ETV5: variants seen among roughly 807,000 people sequenced by gnomAD.
ETV5 encodes the protein ETS variant transcription factor 5.
ETV5 carries 10 observed loss-of-function variants against 70.0 expected under a neutral mutation model. The ratio of observed to expected loss-of-function variants is 0.14; its 90% CI spans 0.09 to 0.24. ETV5 has a LOEUF of 0.24. Among genes scored for constraint, ETV5 ranks in the 10% least tolerant of loss-of-function variants. The pLI is 1.00. For missense variants in ETV5, 453 were observed against 651.2 expected (o/e 0.70, Z 3.31); for synonymous variants, 216 against 242.2 (o/e 0.89, Z 1.01).
chr3:186,098,711 C>T (rs1372376892), intron 5 of ETV5, among the ~76,000 whole-genome samples: 3 of 152,166 alleles, frequency 2.0e-5, no homozygotes, highest in Admixed American at 6.5e-5. Flanking sequence ...GGATGGAGCC[C>T]GTCTGACAAC....
intron 5 of ETV5, among the ~76,000 whole-genome samples, chr3:186,102,177 A>G (rs1220857270): frequency 3.9e-5 from 6 of 152,208 alleles, no homozygotes; most frequent in African/African-American, 1.4e-4. Flanking sequence ...GAGAAAAAAA[A>G]AAGCCATAAT....
In ETV5 at chr3:186,064,404, G is replaced by A; in HGVS notation, c.970+13C>T. ...AGAGAGGAGAGAAGAGGAAAGAAAA[G>A]CAGGTTCCTTACCTTCATGGCTGCT... is the stretch of plus-strand genomic sequence containing the variant. On this transcript the variant is annotated intron_variant, in intron 9 of 12. Transcript: ENST00000306376. 1 of 1,612,994 alleles carries A rather than the reference G, an allele frequency of 6.2e-7. No homozygotes were observed. The highest frequency in any genetic ancestry group is 1.1e-5 in the South Asian group (1 of 91,044).
chr3:186,063,772 C>G (rs887391326), intron 9 of ETV5, among the ~76,000 whole-genome samples: 1 of 152,138 alleles, frequency 6.6e-6, no homozygotes, highest in Non-Finnish European at 1.5e-5. Context: ...CTCCCTACCC[C>G]CTGCTAGCTC....
intron 7 of ETV5, chr3:186,078,949 A>C: frequency 1.0e-5 from 5 of 489,884 alleles, no homozygotes; most frequent in Middle Eastern, 7.6e-4. Flanking sequence ...TGGGAAAGGT[A>C]TACTCATATA....
intron 5 of ETV5, among the ~76,000 whole-genome samples, chr3:186,098,878 C>G (rs746301770): frequency 3.5e-4 from 53 of 152,184 alleles, no homozygotes; most frequent in Admixed American, 6.5e-5. Flanking sequence ...ATGTCCCCTC[C>G]AGCGAACTCA....
At chr3:186,078,014 T>G (rs1713838598) in intron 7 of ETV5, 5 of 1,059,644 alleles carry the variant, frequency 4.7e-6, no homozygotes, top group Non-Finnish European at 5.7e-6. Flanking sequence ...TTCCCTCCTC[T>G]CTTCCTTTCA....
rs993867066 is a variant in ETV5, at chr3:186,048,005, G to A, written c.*634C>T. ...AGAAAGGGGGCTTGCTCTACTTGGC[G>A]ACCACATGGCCGGGTGGTTCCCAAG... On this transcript the variant is annotated 3_prime_UTR_variant, in exon 13 of 13. Coordinates refer to ENST00000306376, the MANE Select transcript of ETV5 (RefSeq NM_004454.3). The A allele has an allele frequency of 1.3e-5, 3 of 233,166 alleles. No homozygotes were observed. The highest frequency in any genetic ancestry group is 5.6e-5 in the Admixed American group (1 of 17,762). 14.4% of individuals were successfully genotyped at this position (233,166 alleles called of 1,614,324 possible).
At chr3:186,103,669 A>T (rs908088008) in intron 5 of ETV5, among the ~76,000 whole-genome samples, 1 of 130,820 alleles carries the variant, frequency 7.6e-6, no homozygotes, top group African/African-American at 2.8e-5. Context: ...ACACACACAC[A>T]CTTGGATTAT....
chr3:186,062,986 A>G (rs888746623), intron 9 of ETV5, among the ~76,000 whole-genome samples: 6 of 152,126 alleles, frequency 3.9e-5, no homozygotes, highest in Non-Finnish European at 8.8e-5. Flanking sequence ...TTGAAAGAAA[A>G]CTAGGCTGGG....
chr3:186,106,534 A>G (rs1714592329), intron 1 of ETV5, among the ~76,000 whole-genome samples: 1 of 152,228 alleles, frequency 6.6e-6, no homozygotes, highest in Admixed American at 6.5e-5. Flanking sequence ...AAACAGATAT[A>G]GCATCTGTAA....
At chr3:186,065,756 A>C in intron 8 of ETV5, 57 bp downstream of exon 8, 6 of 1,609,334 alleles carry the variant, frequency 3.7e-6, no homozygotes, top group Non-Finnish European at 5.1e-6. Flanking sequence ...AAGACACTGA[A>C]TAACGAGACA....
intron 1 of ETV5, among the ~76,000 whole-genome samples, chr3:186,107,915 A>G (rs1242934411): frequency 7.1e-6 from 1 of 141,562 alleles, no homozygotes; most frequent in African/African-American, 2.7e-5. Context: ...CCCCGCCCCC[A>G]TTTCCAACGC....
At chr3:186,067,284 T>C (rs1032347514) in intron 7 of ETV5, among the ~76,000 whole-genome samples, 3 of 152,106 alleles carry the variant, frequency 2.0e-5, no homozygotes, top group African/African-American at 7.2e-5. Context: ...ATACAAAAAT[T>C]AGCTGGATGT....
chr3:186,070,972 G>A (rs921831507), intron 7 of ETV5, among the ~76,000 whole-genome samples: 7 of 152,282 alleles, frequency 4.6e-5, no homozygotes, highest in East Asian at 3.9e-4. Context: ...TTCTGACTCC[G>A]AATAAGCCTA....
intron 1 of ETV5, chr3:186,108,712 C>T (rs1714659213): frequency 1.8e-6 from 2 of 1,119,178 alleles, no homozygotes; most frequent in Non-Finnish European, 2.2e-6. Context: ...AAGCCGCTCT[C>T]CCCGCGCTCC....
At chr3:186,064,329 G>T in intron 9 of ETV5, 88 bp downstream of exon 9, 1 of 1,249,950 alleles carries the variant, frequency 8.0e-7, no homozygotes, top group South Asian at 1.2e-5. Flanking sequence ...GAGGAAGGAA[G>T]GAAGGTAGGA....
Position 186,105,013 on chromosome 3 carries a change from A to C in ETV5, c.232+292T>G. On this transcript the variant is annotated intron_variant, in intron 5 of 12. Transcript: ENST00000306376. This position sits in a 1 kb window ranked among gnomAD's most constrained non-coding sequence, Gnocchi z 4.5. Reference sequence around the variant, plus strand: ...TGCCTCAGCCTCCCAAAGCCCTGGGATTATAGGTGTGAGCCACTGTGCCCA... The same window carrying C: ...TGCCTCAGCCTCCCAAAGCCCTGGGCTTATAGGTGTGAGCCACTGTGCCCA... 4.1e-6 allele frequency: 1 copy of C among 246,408 alleles called. No homozygotes were observed. The highest frequency in any genetic ancestry group is 7.8e-6 in the Non-Finnish European group (1 of 128,714). 15.3% of individuals were successfully genotyped at this position (246,408 alleles called of 1,614,324 possible).
rs990743784 is a variant in ETV5, at chr3:186,054,130, G to T, written c.1210-1999C>A. ...TCATCCTCCCGGGCCAGAGCCCTGTGATTCTGTAGCCCTCACCACGGCTGT... is the reference window on the plus strand; with the variant it reads ...TCATCCTCCCGGGCCAGAGCCCTGTTATTCTGTAGCCCTCACCACGGCTGT... On this transcript the variant is annotated intron_variant, in intron 11 of 12. Transcript: ENST00000306376. This position sits in a 1 kb window ranked among gnomAD's most constrained non-coding sequence, Gnocchi z 4.4. Among the ~76,000 whole-genome samples the T allele has an allele frequency of 7.9e-5, 12 of 152,228 alleles. No homozygotes were observed. Among genetic ancestry groups the T allele is most frequent in the African/African-American group, 2.4e-4 (10 of 41,456 alleles).
intron 7 of ETV5, chr3:186,078,199 T>C: frequency 2.9e-6 from 3 of 1,051,602 alleles, no homozygotes; most frequent in Non-Finnish European, 3.4e-6. Context: ...GTTAATACAG[T>C]ATGTTACATA....
Sources: allele counts gnomAD v4.1 joint callset (sites outside exome capture counted in the v4.1 genomes callset), GRCh38; gene constraint gnomAD v4.1.1; non-coding constraint Gnocchi (gnomAD v3.1); transcripts MANE v1.5; gene names NCBI Gene and HGNC (gene_info 2026-07-23, HGNC 2026-07-21).